Variants in CTBP2 observed in about 807,000 individuals in gnomAD.
The protein encoded by CTBP2 is C-terminal binding protein 2, also known as C-terminal-binding protein 2.
CTBP2 carries 30 observed loss-of-function variants against 80.3 expected under a neutral mutation model. The ratio of observed to expected loss-of-function variants is 0.37; its 90% CI spans 0.28 to 0.51. The LOEUF is 0.51. CTBP2 is among the 20% of genes least tolerant of loss of function. CTBP2 has a pLI of 0.93. For missense variants in CTBP2, 1,212 were observed against 1,375.3 expected, an observed-to-expected ratio of 0.88 and a Z score of 1.88; for synonymous variants, 594 against 587.4, an observed-to-expected ratio of 1.01 and a Z score of -0.16.
chr10:125,032,070 C>T (rs1958296282), upstream of CTBP2, among the ~76,000 whole-genome samples: 1 of 152,084 alleles, frequency 6.6e-6, no homozygotes, highest in African/African-American at 2.4e-5. Context: ...AAAAAACAAG[C>T]CCATTCTCTT....
intron 8 of CTBP2, among the ~76,000 whole-genome samples, chr10:124,991,770 TTATTGCC>T (rs1952657682): frequency 6.6e-6 from 1 of 151,954 alleles, no homozygotes; most frequent in Non-Finnish European, 1.5e-5. Flanking sequence ...CCAAATATAC[TTATTGCC>T]AAGAGCTAGA....
chr10:125,090,533 T>C, intron 2 of CTBP2, among the ~76,000 whole-genome samples: 2 of 146,044 alleles, frequency 1.4e-5, no homozygotes, highest in African/African-American at 2.5e-5. Flanking sequence ...GAGGCCAAGG[T>C]GGAAGGATCA....
rs1362755479 is a variant in CTBP2, at chr10:125,150,905, GACTC to G, written c.-206+9410_-206+9413del. Among the ~76,000 whole-genome samples, 5 of 148,746 alleles carry G rather than the reference GACTC, an allele frequency of 3.4e-5. No individual in the cohort carries two copies. The Admixed American group carries it at 3.4e-4, about 10-fold the overall frequency. On this transcript the variant is annotated intron_variant, in intron 1 of 10. Transcript: ENST00000337195. Reference sequence around the variant, plus strand: ...TACGTGGGTCAGACTCTGGATCACAGACTCACTATGTCCAGGAAAAGGCCAGACA... The same window carrying G: ...TACGTGGGTCAGACTCTGGATCACAGACTATGTCCAGGAAAAGGCCAGACA...
chr10:125,064,232 G>A (rs1431884097), intron 2 of CTBP2, among the ~76,000 whole-genome samples: 2 of 152,128 alleles, frequency 1.3e-5, no homozygotes, highest in Non-Finnish European at 2.9e-5. Flanking sequence ...ATCATTTTAT[G>A]GGCTATTTCT....
intron 1 of CTBP2, among the ~76,000 whole-genome samples, chr10:125,140,405 G>C (rs1341893115): frequency 6.6e-6 from 1 of 152,014 alleles, no homozygotes; most frequent in Non-Finnish European, 1.5e-5. Flanking sequence ...GAGGGAAGGG[G>C]ACAAAGAATG....
intron 1 of CTBP2, among the ~76,000 whole-genome samples, chr10:125,153,163 T>C (rs540572228): frequency 6.6e-6 from 1 of 152,336 alleles, no homozygotes; most frequent in Admixed American, 6.5e-5. Flanking sequence ...AGGACAATGT[T>C]GGGCTTCCCA....
intron 1 of CTBP2, among the ~76,000 whole-genome samples, chr10:125,135,538 C>T (rs931335300): frequency 1.3e-5 from 2 of 152,174 alleles, no homozygotes; most frequent in Non-Finnish European, 2.9e-5. Flanking sequence ...TCCTAGGCAA[C>T]GGCTGCTTTC....
chr10:124,989,323 A>G lies in CTBP2; in HGVS notation c.*195T>C. On this transcript the variant is annotated 3_prime_UTR_variant, in exon 9 of 9. Transcript: ENST00000309035. ...GTTGGTCGTTAATAAATCACATCCT[A>G]GTCTTTCAGCGCTTCCGTAAGCAGA... 3.2e-6 allele frequency: 2 copies of G among 627,328 alleles called. No individual in the cohort carries two copies. The highest frequency in any genetic ancestry group is 3.8e-5 in the South Asian group (2 of 53,024). 38.9% of individuals were successfully genotyped at this position (627,328 alleles called of 1,614,324 possible).
intron 2 of CTBP2, among the ~76,000 whole-genome samples, chr10:125,046,224 C>T (rs541510836): frequency 1.3e-4 from 20 of 152,214 alleles, no homozygotes; most frequent in Non-Finnish European, 2.8e-4. Context: ...AATTCTGCCG[C>T]TATCAGAGTA....
rs1279001972 is a variant in CTBP2, at chr10:125,027,722, G to C, written c.38C>G (p.Ser13Cys). The change falls in exon 1 of 9, where the codon TCT becomes TGT. Residue 13 changes from serine (S) to cysteine (C), a missense_variant. Ser to Cys is a moderately radical substitution (Grantham distance 112). This residue lies in a region of CTBP2 where 848 missense variants were observed against 782.3 expected (regional missense o/e 1.08). Coordinates refer to ENST00000309035, the MANE Select transcript of CTBP2 (RefSeq NM_022802.3). ...CCACCCAGCAGCATCCCAGCTCTGAGAACGACCAATATTTATATGCCTGCT... is the reference window on the plus strand; with the variant it reads ...CCACCCAGCAGCATCCCAGCTCTGACAACGACCAATATTTATATGCCTGCT... 6.2e-7 allele frequency: 1 copy of C among 1,609,598 alleles called. No homozygotes were observed. The highest frequency in any genetic ancestry group is 8.5e-7 in the Non-Finnish European group (1 of 1,177,348).
intron 1 of CTBP2, among the ~76,000 whole-genome samples, chr10:125,154,762 C>T (rs140528349): frequency 2.6e-4 from 39 of 152,308 alleles, no homozygotes; most frequent in African/African-American, 8.9e-4. Flanking sequence ...AATGCACCTC[C>T]CTTAAGCTAC....
At chr10:125,010,826 A>C (rs1050962413) in intron 1 of CTBP2, among the ~76,000 whole-genome samples, 2 of 152,184 alleles carry the variant, frequency 1.3e-5, no homozygotes, top group Non-Finnish European at 2.9e-5. Flanking sequence ...TGGCTGTGCC[A>C]TCACCGTGTA....
chr10:124,999,859 G>C (rs55784165), intron 3 of CTBP2: 1 of 152,200 alleles, frequency 6.6e-6, no homozygotes. Context: ...TTCATTCCTC[G>C]GGCAGGCTAA....
rs202193654 is a variant in CTBP2 at position 124,989,682 on chromosome 10, C to T, written c.2794G>A (p.Val932Met). The T allele has an allele frequency of 9.5e-6, 15 of 1,581,366 alleles. No individual in the cohort carries two copies. The highest frequency in any genetic ancestry group is 1.7e-4 in the Middle Eastern group (1 of 5,860). Reference sequence around the variant, plus strand: ...GGAAGTCCTCCTGGAGCCACACCCACGATGCCTGGCGGATATCTAAGGAAC... The same window carrying T: ...GGAAGTCCTCCTGGAGCCACACCCATGATGCCTGGCGGATATCTAAGGAAC... Residue 932 changes from valine (V) to methionine (M), a missense_variant, in exon 9 of 9, where the codon GTG (valine) becomes ATG (methionine). Val to Met is a conservative substitution (Grantham distance 21). Coordinates refer to ENST00000309035, the MANE Select transcript of CTBP2 (RefSeq NM_022802.3).
At chr10:125,008,983 T>G (rs1208015479) in intron 1 of CTBP2, among the ~76,000 whole-genome samples, 1 of 152,212 alleles carries the variant, frequency 6.6e-6, no homozygotes, top group Non-Finnish European at 1.5e-5. Flanking sequence ...TGTTCCCCTC[T>G]ACCTTTGCCT....
At chr10:125,036,643 A>T (rs1260123413) in intron 3 of CTBP2, among the ~76,000 whole-genome samples, 2 of 151,790 alleles carry the variant, frequency 1.3e-5, no homozygotes, top group Non-Finnish European at 2.9e-5. Context: ...GAATAGAAAC[A>T]TGGTGAGAAT....
At chr10:125,092,961 C>G (rs1460473710) in intron 2 of CTBP2, among the ~76,000 whole-genome samples, 1 of 152,084 alleles carries the variant, frequency 6.6e-6, no homozygotes, top group Non-Finnish European at 1.5e-5. Flanking sequence ...GGCCCATGGC[C>G]CATCTCAGGA....
intron 1 of CTBP2, among the ~76,000 whole-genome samples, chr10:125,155,651 T>C (rs1415505239): frequency 6.6e-6 from 1 of 151,618 alleles, no homozygotes; most frequent in Admixed American, 6.6e-5. Flanking sequence ...TTAGCAATTA[T>C]TAAATATAAT....
chr10:125,115,471 G>A (rs1173927879), intron 1 of CTBP2, among the ~76,000 whole-genome samples: 2 of 152,204 alleles, frequency 1.3e-5, no homozygotes, highest in Non-Finnish European at 2.9e-5. Flanking sequence ...GGCCAGCATC[G>A]GTGGCTGAGA....
Sources: gnomAD v4.1 joint callset for allele counts (sites outside exome capture counted in the v4.1 genomes callset) on GRCh38, gnomAD v4.1.1 for gene constraint, gnomAD v4.1.1 regional missense constraint, MANE v1.5 for transcripts, NCBI Gene and HGNC (gene_info 2026-07-23, HGNC 2026-07-21) for gene names.